Variants in TEC observed in about 807,000 individuals in gnomAD.
TEC encodes the protein tyrosine-protein kinase Tec.
TEC carries 72 observed loss-of-function variants against 93.0 expected under a neutral mutation model. That is an observed-to-expected ratio of 0.77 (90% CI 0.64 to 0.94). The LOEUF is 0.94. TEC is among the 40% of genes least tolerant of loss of function. The pLI is 0.00. For synonymous variants in TEC, 249 were observed against 247.7 expected, an observed-to-expected ratio of 1.01 and a Z score of -0.05; for missense variants, 630 against 757.9, an observed-to-expected ratio of 0.83 and a Z score of 1.98.
At chr4:48,137,579 C>T (rs1352468081) in intron 17 of TEC, 80 bp from the exon 18 acceptor site, 1 of 1,129,778 alleles carries the variant, frequency 8.9e-7, no homozygotes, top group African/African-American at 1.5e-5. Flanking sequence ...CTCCTAAACA[C>T]AGCATATTAC....
chr4:48,144,374 C>T (rs1034100259), intron 14 of TEC, among the ~76,000 whole-genome samples: 4 of 151,922 alleles, frequency 2.6e-5, no homozygotes, highest in African/African-American at 7.3e-5. Context: ...ACAGTGCTAC[C>T]GATATGCTGA....
intron 2 of TEC, among the ~76,000 whole-genome samples, chr4:48,192,629 C>A (rs1320987064): frequency 2.6e-5 from 4 of 151,908 alleles, no homozygotes; most frequent in Non-Finnish European, 5.9e-5. Context: ...AAGCTTAAAA[C>A]TGCAATAACA....
At chr4:48,150,414 G>A (rs879914235) in intron 10 of TEC, among the ~76,000 whole-genome samples, 2 of 152,082 alleles carry the variant, frequency 1.3e-5, no homozygotes, top group Non-Finnish European at 2.9e-5. Context: ...GAGCGTTCAT[G>A]ACTAACTCAA....
intron 1 of TEC, among the ~76,000 whole-genome samples, chr4:48,259,956 A>T (rs886835902): frequency 2.6e-5 from 4 of 152,184 alleles, no homozygotes; most frequent in Non-Finnish European, 5.9e-5. Context: ...TAAACTCTAG[A>T]CCAGGTACTG....
At chr4:48,233,816 C>CAA (rs34535018) in intron 1 of TEC, among the ~76,000 whole-genome samples, 19,872 of 136,206 alleles carry the variant, frequency 0.15, 1,708 homozygotes, top group Non-Finnish European at 0.2. Context: ...GAAACTCTCC[C>CAA]AAAAAAAAAA....
chr4:48,225,378 T>C (rs779050712), intron 2 of TEC, among the ~76,000 whole-genome samples: 199 of 152,256 alleles, frequency 1.3e-3, no homozygotes, highest in Non-Finnish European at 4.7e-4. Context: ...GGTTTCACCA[T>C]GTTGGCCAGG....
chr4:48,213,337 C>A (rs553292952), intron 2 of TEC, among the ~76,000 whole-genome samples: 21 of 151,926 alleles, frequency 1.4e-4, no homozygotes, highest in Non-Finnish European at 2.6e-4. Context: ...TAGAATCATG[C>A]GAAACTTTGA....
intron 7 of TEC, among the ~76,000 whole-genome samples, chr4:48,166,518 T>C (rs957752505): frequency 1.3e-5 from 2 of 152,134 alleles, no homozygotes; most frequent in African/African-American, 2.4e-5. Context: ...GGTGTTTTTT[T>C]TAAGTCTTTA....
intron 2 of TEC, among the ~76,000 whole-genome samples, chr4:48,208,234 G>A (rs928525406): frequency 2.0e-5 from 3 of 152,102 alleles, no homozygotes; most frequent in African/African-American, 7.2e-5. Context: ...GCCATGAAAG[G>A]GATTCTGGTG....
chr4:48,164,189 G>C (rs1359447772), intron 7 of TEC, among the ~76,000 whole-genome samples: 1 of 152,174 alleles, frequency 6.6e-6, no homozygotes, highest in Non-Finnish European at 1.5e-5. Context: ...CATTACTTGA[G>C]AAAAGTCAAA....
chr4:48,225,277 C>A (rs111687233), intron 2 of TEC, among the ~76,000 whole-genome samples: 2 of 152,224 alleles, frequency 1.3e-5, no homozygotes, highest in South Asian at 2.1e-4. Flanking sequence ...TGGCTCCAAG[C>A]AATTCTCTTG....
At chr4:48,216,955 A>G (rs1268724766) in intron 2 of TEC, among the ~76,000 whole-genome samples, 1 of 152,240 alleles carries the variant, frequency 6.6e-6, no homozygotes, top group Admixed American at 6.5e-5. Flanking sequence ...AAGTTGCAGG[A>G]GGACCAAACC....
intron 3 of TEC, among the ~76,000 whole-genome samples, chr4:48,174,544 A>G (rs1721244499): frequency 6.6e-6 from 1 of 152,062 alleles, no homozygotes; most frequent in African/African-American, 2.4e-5. Context: ...CTATAATCCC[A>G]GCTACTTGGG....
chr4:48,140,238 T>C (rs1254088225), intron 15 of TEC, among the ~76,000 whole-genome samples: 1 of 152,230 alleles, frequency 6.6e-6, no homozygotes, highest in Non-Finnish European at 1.5e-5. Context: ...TGAGCATTCC[T>C]GGCGCTGCCC....
chr4:48,158,781 C>CCT (rs1218246968), intron 8 of TEC, among the ~76,000 whole-genome samples: 1 of 152,084 alleles, frequency 6.6e-6, no homozygotes, highest in Non-Finnish European at 1.5e-5. Flanking sequence ...TCTACTGTTT[C>CCT]CAGCTCCTCA....
At chr4:48,254,174 T>C (rs1355169670) in intron 1 of TEC, among the ~76,000 whole-genome samples, 1 of 152,146 alleles carries the variant, frequency 6.6e-6, no homozygotes, top group African/African-American at 2.4e-5. Flanking sequence ...GTTGGTTGTA[T>C]CTATGAATGC....
intron 14 of TEC, among the ~76,000 whole-genome samples, chr4:48,143,296 C>T (rs922950914): frequency 3.3e-5 from 5 of 152,226 alleles, no homozygotes; most frequent in African/African-American, 1.2e-4. Context: ...ATCACAGGCA[C>T]AGAAATGTAA....
At chr4:48,197,156 T>C (rs1317020937) in intron 2 of TEC, among the ~76,000 whole-genome samples, 1 of 152,232 alleles carries the variant, frequency 6.6e-6, no homozygotes, top group African/African-American at 2.4e-5. Flanking sequence ...TGTTTGATCC[T>C]TCTATAAACA....
intron 4 of TEC, 42 bp from the exon 5 acceptor site, chr4:48,170,418 G>A (rs1324836437): frequency 2.4e-6 from 3 of 1,244,580 alleles, no homozygotes; most frequent in Non-Finnish European, 2.3e-6. Context: ...AAATACAAAA[G>A]CAACTACAGA....
Sources: allele counts gnomAD v4.1 joint callset (sites outside exome capture counted in the v4.1 genomes callset), GRCh38; gene constraint gnomAD v4.1.1; transcripts MANE v1.5; gene names NCBI Gene and HGNC (gene_info 2026-07-23, HGNC 2026-07-21).